The following MCFD2 variants were observed in gnomAD, a reference collection of about 807,000 sequenced individuals.
MCFD2 encodes the protein multiple coagulation factor deficiency 2, ER cargo receptor complex subunit, also known as multiple coagulation factor deficiency protein 2.
In MCFD2, 11 loss-of-function variants were observed where a neutral mutation model predicts 12.8. The observed-to-expected ratio is 0.86, with a 90% CI of 0.54 to 1.42. MCFD2 has a LOEUF of 1.42. Ranked by LOEUF, MCFD2 falls within the 40% of genes most tolerant of loss-of-function variation. The pLI is 0.00. For missense variants in MCFD2, 191 were observed against 178.6 expected (o/e 1.07, Z -0.40); for synonymous variants, 70 against 68.1 (o/e 1.03, Z -0.14).
chr2:46,932,010 C>A (rs931369685), intron 1 of MCFD2, among the ~76,000 whole-genome samples: 80 of 152,244 alleles, frequency 5.3e-4, no homozygotes, highest in African/African-American at 1.9e-3. Context: ...AATCATATGA[C>A]AATCTCAGTA....
upstream of MCFD2, among the ~76,000 whole-genome samples, chr2:46,918,730 A>G (rs558815778): frequency 6.6e-6 from 1 of 152,326 alleles, no homozygotes; most frequent in African/African-American, 2.4e-5. Context: ...AACCAATGCT[A>G]TATTTTTGGA....
At chr2:46,915,911 G>T (rs932669998), upstream of MCFD2, 28 of 985,040 alleles carry the variant, frequency 2.8e-5, no homozygotes, top group African/African-American at 4.7e-4. Flanking sequence ...GGGCTGTGAG[G>T]ACGGCTCGCG....
intron 1 of MCFD2, among the ~76,000 whole-genome samples, chr2:46,909,795 C>T (rs185085720): frequency 5.9e-5 from 9 of 152,316 alleles, no homozygotes; most frequent in African/African-American, 1.7e-4. Context: ...AAGGCCTAGA[C>T]AGGCTGTACT....
chr2:46,911,065 C>T (rs551616043), intron 1 of MCFD2, among the ~76,000 whole-genome samples: 2 of 152,222 alleles, frequency 1.3e-5, no homozygotes, highest in African/African-American at 2.4e-5. Context: ...CTAAAAAGCA[C>T]CTAGAATCTA....
At chr2:46,933,729 C>T (rs1669827583) in intron 1 of MCFD2, among the ~76,000 whole-genome samples, 1 of 152,196 alleles carries the variant, frequency 6.6e-6, no homozygotes, top group South Asian at 2.1e-4. Flanking sequence ...TGCTCTACTT[C>T]GCATATACTG....
At position 46,905,036 on chromosome 2, in the gene MCFD2, T is replaced by A. The variant is rs1668160398; in HGVS notation, c.*427A>T. On this transcript the variant is annotated 3_prime_UTR_variant, in exon 4 of 4. Coordinates refer to ENST00000319466, the MANE Select transcript of MCFD2 (RefSeq NM_139279.6). Reference sequence around the variant, plus strand: ...AATAAGTTTCACAAGATCTGATGGCTTATCAGGGGTTTCCACTTTTGCTTC... The same window carrying A: ...AATAAGTTTCACAAGATCTGATGGCATATCAGGGGTTTCCACTTTTGCTTC... 1.3e-5 allele frequency: 4 copies of A among 296,296 alleles called. No homozygotes were observed. In the South Asian group the frequency reaches 1.4e-4, roughly 11 times the overall value. The allele number at this position is 296,296 out of a possible 1,614,324, so 18.4% of individuals were successfully genotyped here.
At position 46,907,647 on chromosome 2, in the gene MCFD2, T is replaced by G; in HGVS notation, c.309+163A>C. 4 of 735,672 alleles carry G rather than the reference T, an allele frequency of 5.4e-6. No homozygotes were observed. In the South Asian group the frequency reaches 6.2e-5, roughly 11 times the overall value. 45.6% of individuals were successfully genotyped at this position (735,672 alleles called of 1,614,324 possible). On this transcript the variant is annotated intron_variant, in intron 3 of 3. Transcript: ENST00000319466. The surrounding 1 kb of genome is among the most constrained non-coding windows in gnomAD (Gnocchi z 4.1). The stretch of plus-strand genomic sequence containing the variant: ...TCCTGGCTCAAGTGATCCTTCCACT[T>G]TGGCCTCCCAAAGTGCTGGGATTAC...
In MCFD2 at chr2:46,905,428, C is replaced by T; in HGVS notation, c.*35G>A. The T allele has an allele frequency of 6.2e-7, 1 of 1,610,440 alleles. No individual in the cohort carries two copies. The highest frequency in any genetic ancestry group is 2.2e-5 in the East Asian group (1 of 44,828). Reference sequence around the variant, plus strand: ...TGTTCAATCACATTATCACGGGTCACATTTGTATATAACCAGGAGATGGCC... The same window carrying T: ...TGTTCAATCACATTATCACGGGTCATATTTGTATATAACCAGGAGATGGCC... On this transcript the variant is annotated 3_prime_UTR_variant, in exon 4 of 4. Transcript: ENST00000319466.
rs1670307186 is a variant in MCFD2 at position 46,941,138 on chromosome 2, C to T, written c.-8+434G>A. On this transcript the variant is annotated intron_variant, in intron 1 of 2. Transcript: ENST00000409147. The surrounding 1 kb of genome is among the most constrained non-coding windows in gnomAD (Gnocchi z 4.2). ...CTGGCAGCCAGCGAGCCCGGCTCGC[C>T]GAGGCCTCCCCACGCCCCCGCGGGG... is the stretch of plus-strand genomic sequence containing the variant. 3 of 147,586 alleles carry T rather than the reference C, an allele frequency of 2.0e-5. No individual in the cohort carries two copies. The highest frequency in any genetic ancestry group is 7.4e-5 in the African/African-American group (3 of 40,704). 9.1% of individuals were successfully genotyped at this position (147,586 alleles called of 1,614,324 possible).
At chr2:46,936,363 A>G (rs1022695222) in intron 1 of MCFD2, among the ~76,000 whole-genome samples, 4 of 152,162 alleles carry the variant, frequency 2.6e-5, no homozygotes, top group Admixed American at 6.5e-5. Context: ...CCCAGGGACA[A>G]ATTTTGTCTC....
At chr2:46,920,649 GAAA>G (rs10713433), upstream of MCFD2, among the ~76,000 whole-genome samples, 7 of 136,378 alleles carry the variant, frequency 5.1e-5, no homozygotes, top group African/African-American at 1.8e-4. Flanking sequence ...AGGCTTTTTT[GAAA>G]AAAAAAAAAA....
chr2:46,906,045 G>A (rs1052902544), intron 3 of MCFD2: 12 of 470,116 alleles, frequency 2.6e-5, no homozygotes, highest in African/African-American at 6.0e-5. Context: ...GAGGAAGAAG[G>A]CACTGCCGAT....
chr2:46,905,916 T>C lies in MCFD2; in HGVS notation c.310-322A>G, dbSNP rs11890177. The C allele has an allele frequency of 0.22, 105,813 of 490,930 alleles. 15,410 individuals carry two copies. The highest frequency in any genetic ancestry group is 0.56 in the African/African-American group (28,605 of 51,022). 30.4% of individuals were successfully genotyped at this position (490,930 alleles called of 1,614,324 possible). The stretch of plus-strand genomic sequence containing the variant: ...AGGCTTTTGCTTATTTGTTTCATTA[T>C]GGCTCATTCTTCTTTAATTGGAAAA... On this transcript the variant is annotated intron_variant, in intron 3 of 3. Transcript: ENST00000319466.
At position 46,940,637 on chromosome 2, in the gene MCFD2, GAC is replaced by G. The variant is rs1558487106; in HGVS notation, c.-8+933_-8+934del. Among the ~76,000 whole-genome samples, 1 of 152,250 alleles carries G rather than the reference GAC, an allele frequency of 6.6e-6. No individual in the cohort carries two copies. The highest frequency in any genetic ancestry group is 1.5e-5 in the Non-Finnish European group (1 of 68,050). ...CCAGGGCAACAGAGATTCCACAGAG[GAC>G]AGGTCAACGGGTTAGGGAAGTCAAG... On this transcript the variant is annotated intron_variant, in intron 1 of 2. Transcript: ENST00000409147. The surrounding 1 kb of genome is among the most constrained non-coding windows in gnomAD (Gnocchi z 4.7).
At chr2:46,930,706 G>A (rs1304339765) in intron 1 of MCFD2, among the ~76,000 whole-genome samples, 2 of 151,954 alleles carry the variant, frequency 1.3e-5, no homozygotes, top group Admixed American at 6.6e-5. Flanking sequence ...CAGCCTGTTG[G>A]CCAAGCTGGT....
At chr2:46,905,695 T>TTAA (rs71397095) in intron 3 of MCFD2, 101 bp from the exon 4 acceptor site, 12 of 509,000 alleles carry the variant, frequency 2.4e-5, no homozygotes, top group South Asian at 2.3e-4. Flanking sequence ...CACTGTTTAT[T>TTAA]AAAAAAAAAA....
At position 46,937,259 on chromosome 2, in the gene MCFD2, A is replaced by T. The variant is rs1670024840; in HGVS notation, c.-8+4313T>A. On this transcript the variant is annotated intron_variant, in intron 1 of 2. Coordinates refer to the MCFD2 transcript ENST00000409147. This position sits in a 1 kb window ranked among gnomAD's most constrained non-coding sequence, Gnocchi z 4.0. ...TCCCCTGCCCCAATATCACAGCTGA[A>T]ACCTGCTATTTCTTTTCCCCTACCC... 6.6e-6 allele frequency among the ~76,000 whole-genome samples: 1 copy of T among 152,024 alleles called. No homozygotes were observed. Among genetic ancestry groups the T allele is most frequent in the South Asian group, 2.1e-4 (1 of 4,810 alleles).
chr2:46,922,486 A>C (rs780956256), intron 1 of MCFD2, among the ~76,000 whole-genome samples: 2 of 151,990 alleles, frequency 1.3e-5, no homozygotes, highest in Non-Finnish European at 2.9e-5. Flanking sequence ...ATTAGACTAA[A>C]CTCCAGACCT....
rs1379853691 is a variant in MCFD2, at chr2:46,941,390, C to T, written c.-8+182G>A. On this transcript the variant is annotated intron_variant, in intron 1 of 2. Coordinates refer to the MCFD2 transcript ENST00000409147. This position sits in a 1 kb window ranked among gnomAD's most constrained non-coding sequence, Gnocchi z 4.2. ...TGCTGCTGCTGCTGCTGCTGCCCAC[C>T]CTCCGCCGCCCGGGCCCCCGCTGCC... The T allele has an allele frequency of 3.6e-5, 22 of 609,276 alleles. No individual in the cohort carries two copies. The highest frequency in any genetic ancestry group is 4.5e-5 in the Non-Finnish European group (20 of 446,262). 37.7% of individuals were successfully genotyped at this position (609,276 alleles called of 1,614,324 possible). A position where few individuals can be genotyped will look rare whatever the true frequency, so the allele number is the denominator to read the frequency against.
Sources: gnomAD v4.1 joint callset for allele counts (sites outside exome capture counted in the v4.1 genomes callset) on GRCh38, gnomAD v4.1.1 for gene constraint, Gnocchi (gnomAD v3.1) non-coding constraint, MANE v1.5 for transcripts, NCBI Gene and HGNC (gene_info 2026-07-23, HGNC 2026-07-21) for gene names.